The following RUNX1T1 variants were observed in gnomAD, a reference collection of about 807,000 sequenced individuals.
RUNX1T1 encodes the protein protein CBFA2T1.
A neutral mutation model predicts 62.8 loss-of-function variants in RUNX1T1; 4 were observed. The ratio of observed to expected loss-of-function variants is 0.06; its 90% CI spans 0.03 to 0.15. The LOEUF (loss-of-function observed/expected upper bound fraction) is 0.15. Ranked by LOEUF, RUNX1T1 falls within the 10% of genes least tolerant of loss-of-function variation. The pLI, the probability that RUNX1T1 is intolerant of heterozygous loss-of-function variation, is 1.00. For synonymous variants in RUNX1T1, 291 were observed against 286.0 expected (o/e 1.02, Z -0.18); for missense variants, 508 against 754.3 (o/e 0.67, Z 3.82).
At chr8:91,981,005 T>A (rs763478177) in intron 8 of RUNX1T1, among the ~76,000 whole-genome samples, 5 of 152,110 alleles carry the variant, frequency 3.3e-5, no homozygotes, top group Non-Finnish European at 7.4e-5. Context: ...CACATCTAAA[T>A]AACAGCTAAG....
chr8:91,987,225 A>C (rs2130834906), intron 6 of RUNX1T1, among the ~76,000 whole-genome samples: 1 of 152,328 alleles, frequency 6.6e-6, no homozygotes. Context: ...GAGACAGTTA[A>C]GTGACACCAA....
At chr8:92,011,748 T>G (rs2131102144) in intron 3 of RUNX1T1, among the ~76,000 whole-genome samples, 1 of 152,258 alleles carries the variant, frequency 6.6e-6, no homozygotes, top group South Asian at 2.1e-4. Context: ...GGCAACTGCT[T>G]GACCCAAACA....
chr8:92,062,532 C>T (rs1587409844), intron 1 of RUNX1T1: 1 of 1,613,486 alleles, frequency 6.2e-7, no homozygotes, highest in African/African-American at 1.3e-5. Flanking sequence ...GAACACAGAA[C>T]AGGGCTAACT....
chr8:92,024,235 G>A (rs1412984687), intron 1 of RUNX1T1, among the ~76,000 whole-genome samples: 1 of 150,998 alleles, frequency 6.6e-6, no homozygotes, highest in African/African-American at 2.4e-5. Context: ...AAGGTGGAGT[G>A]CGGTAGCTCA....
exon 3 of RUNX1T1, chr8:92,014,601 C>A (rs757828605): frequency 6.2e-7 from 1 of 1,609,190 alleles, no homozygotes. Flanking sequence ...AACGAGGGTG[C>A]GAACTCTTTC....
intron 5 of RUNX1T1, among the ~76,000 whole-genome samples, chr8:91,998,149 A>G (rs1275110846): frequency 6.6e-6 from 1 of 152,176 alleles, no homozygotes; most frequent in African/African-American, 2.4e-5. Flanking sequence ...AATTCAGCAA[A>G]AGATCTCTTC....
chr8:92,009,846 A>C (rs947911278), intron 4 of RUNX1T1: 1 of 152,112 alleles, frequency 6.6e-6, no homozygotes, highest in African/African-American at 2.4e-5. Flanking sequence ...AACTTAGAAA[A>C]GAACGAAAAG....
intron 1 of RUNX1T1, among the ~76,000 whole-genome samples, chr8:92,093,550 T>TTA (rs2130921249): frequency 1.3e-5 from 2 of 152,328 alleles, no homozygotes; most frequent in South Asian, 4.2e-4. Flanking sequence ...ATTGAACCCA[T>TTA]TATCGCTTCT....
chr8:91,984,563 T>C (rs1816138478), intron 8 of RUNX1T1, among the ~76,000 whole-genome samples: 1 of 152,186 alleles, frequency 6.6e-6, no homozygotes, highest in Admixed American at 6.5e-5. Flanking sequence ...TAGTAAGTGC[T>C]CAATAAATAA....
At chr8:91,983,969 A>G (rs190643747) in intron 8 of RUNX1T1, among the ~76,000 whole-genome samples, 27 of 152,356 alleles carry the variant, frequency 1.8e-4, no homozygotes, top group Non-Finnish European at 2.5e-4. Flanking sequence ...CTCTAAAGTT[A>G]TGATAGTGTC....
chr8:91,965,842 T>G (rs1314064044), intron 10 of RUNX1T1, among the ~76,000 whole-genome samples: 1 of 152,158 alleles, frequency 6.6e-6, no homozygotes, highest in East Asian at 1.9e-4. Context: ...ATTTCTTAAC[T>G]GTTTTTCTTC....
At chr8:92,095,202 C>T in intron 1 of RUNX1T1, 1 of 1,534,852 alleles carries the variant, frequency 6.5e-7, no homozygotes, top group Non-Finnish European at 8.7e-7. Flanking sequence ...CATGTTACAT[C>T]TTCACTTCTC....
At chr8:92,016,557 C>A (rs887643849) in intron 2 of RUNX1T1, among the ~76,000 whole-genome samples, 4 of 152,078 alleles carry the variant, frequency 2.6e-5, no homozygotes, top group Non-Finnish European at 5.9e-5. Context: ...TGACTGTAAT[C>A]CCAGCTACTC....
chr8:92,075,905 AGATT>A, intron 2 of RUNX1T1, 56 bp downstream of exon 2: 1 of 1,420,376 alleles, frequency 7.0e-7, no homozygotes, highest in South Asian at 1.3e-5. Context: ...TGGAAAAAAT[AGATT>A]GATTTTTCTG....
chr8:92,051,195 T>C lies in RUNX1T1; in HGVS notation c.7+11351A>G, dbSNP rs539938110. On this transcript the variant is annotated intron_variant, in intron 1 of 10. Coordinates refer to ENST00000396218, the Ensembl canonical transcript of RUNX1T1. ...AGGGACTCACCAGTCTTGCTCACTA[T>C]TGATTCCTCAGCATCTATAACAGTG... is the stretch of plus-strand genomic sequence containing the variant. Among the ~76,000 whole-genome samples the C allele has an allele frequency of 9.2e-5, 14 of 152,282 alleles. No individual in the cohort carries two copies. The South Asian group carries it at 2.9e-3, about 32-fold the overall frequency.
intron 10 of RUNX1T1, 106 bp from the exon 12 acceptor site, chr8:91,960,623 T>C (rs768275664): frequency 8.2e-7 from 1 of 1,221,690 alleles, no homozygotes; most frequent in Non-Finnish European, 1.1e-6. Flanking sequence ...TCAAGAACTA[T>C]ACAGTCAGGA....
At chr8:91,971,074 A>G (rs2130625968) in intron 9 of RUNX1T1, 2 of 406,680 alleles carry the variant, frequency 4.9e-6, no homozygotes, top group Admixed American at 8.3e-5. Context: ...ATTCTATAGA[A>G]GAAGCATGAC....
intron 7 of RUNX1T1, 142 bp downstream of exon 8, chr8:91,986,745 G>C (rs1816643737): frequency 1.6e-6 from 1 of 644,082 alleles, no homozygotes. Context: ...TTCTACTTCA[G>C]ATATTCTCGC....
chr8:92,016,690 A>T (rs1823074917), intron 2 of RUNX1T1, among the ~76,000 whole-genome samples: 2 of 152,122 alleles, frequency 1.3e-5, no homozygotes, highest in African/African-American at 4.8e-5. Context: ...TCCACCCAAA[A>T]AAAAGGGCAA....
Sources: allele counts gnomAD v4.1 joint callset (sites outside exome capture counted in the v4.1 genomes callset), GRCh38; gene constraint gnomAD v4.1.1; transcripts MANE v1.5; gene names NCBI Gene and HGNC (gene_info 2026-07-23, HGNC 2026-07-21).